Variants in EXOC4 observed in about 807,000 individuals in gnomAD.
EXOC4 encodes SEC8-like 1.
Under a neutral mutation model 107.2 loss-of-function variants are expected in EXOC4, and 71 were observed. That is an observed-to-expected ratio of 0.66 (90% CI 0.55 to 0.81). EXOC4 has a LOEUF of 0.81. EXOC4 is among the 30% of genes least tolerant of loss of function. EXOC4 has a pLI of 0.00. For synonymous variants in EXOC4, 456 were observed against 441.2 expected (o/e 1.03, Z -0.42); for missense variants, 1,108 against 1,189.6 (o/e 0.93, Z 1.01).
chr7:133,482,766 A>T (rs531528363), intron 9 of EXOC4, among the ~76,000 whole-genome samples: 6 of 152,196 alleles, frequency 3.9e-5, no homozygotes, highest in Non-Finnish European at 7.4e-5. Context: ...AAAGTGTCTG[A>T]CATATAGTGA....
intron 7 of EXOC4, among the ~76,000 whole-genome samples, chr7:133,428,814 A>G (rs540669213): frequency 6.6e-6 from 1 of 152,350 alleles, no homozygotes; most frequent in East Asian, 1.9e-4. Context: ...GTATACCAGG[A>G]CTTACTAAAG....
Position 133,940,242 on chromosome 7 carries a change from GT to G in EXOC4, c.2206+2177del, listed in dbSNP as rs373048895. Among the ~76,000 whole-genome samples, 272 of 152,326 alleles carry G rather than the reference GT, an allele frequency of 1.8e-3. 3 individuals are homozygous for G. The highest frequency in any genetic ancestry group is 6.2e-3 in the African/African-American group (258 of 41,574). On this transcript the variant is annotated intron_variant, in intron 14 of 17. Transcript: ENST00000253861. ...TACACAGGCTAACCTGGCATCAACT[GT>G]TTTCAAAAGGAGAAAGATGCATTCT...
At chr7:133,360,248 T>C (rs1436297545) in intron 6 of EXOC4, among the ~76,000 whole-genome samples, 1 of 152,214 alleles carries the variant, frequency 6.6e-6, no homozygotes, top group Non-Finnish European at 1.5e-5. Flanking sequence ...AGGAGTTCTG[T>C]ACTTAACAAA....
chr7:133,345,819 G>A (rs1171617722), intron 5 of EXOC4, among the ~76,000 whole-genome samples: 1 of 152,168 alleles, frequency 6.6e-6, no homozygotes, highest in Admixed American at 6.5e-5. Flanking sequence ...GTAGCAGTTG[G>A]CAACAACTTT....
At chr7:133,548,330 G>A (rs984734702) in intron 9 of EXOC4, among the ~76,000 whole-genome samples, 5 of 152,046 alleles carry the variant, frequency 3.3e-5, no homozygotes, top group Non-Finnish European at 5.9e-5. Flanking sequence ...AATTCTTGGG[G>A]GCCCTAGGAT....
At chr7:133,711,844 T>C (rs1794899095) in intron 10 of EXOC4, among the ~76,000 whole-genome samples, 1 of 152,216 alleles carries the variant, frequency 6.6e-6, no homozygotes, top group African/African-American at 2.4e-5. Flanking sequence ...ACTGTAGTAC[T>C]CACTGTCTTA....
At chr7:134,094,969 C>A in the EXOC4 span, among the ~76,000 whole-genome samples, 4 of 152,062 alleles carry the variant, frequency 2.6e-5, no homozygotes, top group Admixed American at 2.6e-4. Flanking sequence ...AGCAATCAAG[C>A]AAAAGAAAGA....
At chr7:133,439,737 A>G (rs957157193) in intron 7 of EXOC4, among the ~76,000 whole-genome samples, 1 of 152,190 alleles carries the variant, frequency 6.6e-6, no homozygotes, top group South Asian at 2.1e-4. Context: ...ATTAAGAAAC[A>G]TAAAGCCTGT....
chr7:133,883,828 G>GTATA (rs1799019906), intron 11 of EXOC4, among the ~76,000 whole-genome samples: 2 of 152,304 alleles, frequency 1.3e-5, no homozygotes, highest in Admixed American at 6.5e-5. Context: ...GCTCTTGGAT[G>GTATA]TATAGCCTTT....
chr7:133,345,320 G>T (rs1318357439), intron 5 of EXOC4, among the ~76,000 whole-genome samples: 2 of 152,136 alleles, frequency 1.3e-5, no homozygotes, highest in Non-Finnish European at 2.9e-5. Flanking sequence ...CTCTAAAATT[G>T]TATGATGCCA....
chr7:133,807,305 TG>T (rs1797101562), intron 10 of EXOC4, among the ~76,000 whole-genome samples: 1 of 152,142 alleles, frequency 6.6e-6, no homozygotes, highest in South Asian at 2.1e-4. Context: ...AGAGTGTCTG[TG>T]AAAGTCACAT....
intron 10 of EXOC4, among the ~76,000 whole-genome samples, chr7:133,636,576 G>A (rs1251457878): frequency 6.6e-6 from 1 of 152,212 alleles, no homozygotes; most frequent in African/African-American, 2.4e-5. Flanking sequence ...ACAGTTGTTT[G>A]CAGTCTTGTA....
chr7:133,387,622 G>A (rs1284438173), intron 7 of EXOC4, among the ~76,000 whole-genome samples: 1 of 152,076 alleles, frequency 6.6e-6, no homozygotes, highest in Admixed American at 6.6e-5. Context: ...GCCCCCATTT[G>A]TTACTTGTAT....
intron 14 of EXOC4, among the ~76,000 whole-genome samples, chr7:133,979,229 C>G (rs1793914695): frequency 6.6e-6 from 1 of 152,084 alleles, no homozygotes; most frequent in Admixed American, 6.6e-5. Flanking sequence ...GAGGTCAAAA[C>G]TTCATAGGTA....
At chr7:133,503,032 C>T (rs1011228894) in intron 9 of EXOC4, among the ~76,000 whole-genome samples, 3 of 152,104 alleles carry the variant, frequency 2.0e-5, no homozygotes, top group Non-Finnish European at 4.4e-5. Context: ...AAGACTAGTA[C>T]AATCTAAATA....
chr7:133,473,521 G>T (rs1798932350), intron 7 of EXOC4, among the ~76,000 whole-genome samples: 1 of 151,952 alleles, frequency 6.6e-6, no homozygotes, highest in Admixed American at 6.6e-5. Context: ...CTTTATTAAT[G>T]ACCTTTTTTG....
chr7:133,389,264 G>T (rs112249124), intron 7 of EXOC4, among the ~76,000 whole-genome samples: 1 of 151,946 alleles, frequency 6.6e-6, no homozygotes, highest in African/African-American at 2.4e-5. Flanking sequence ...TACCTTTTAG[G>T]CTTAACTATA....
At chr7:133,579,645 C>T (rs1801206565) in intron 9 of EXOC4, among the ~76,000 whole-genome samples, 1 of 151,958 alleles carries the variant, frequency 6.6e-6, no homozygotes. Flanking sequence ...CCCCATTCTC[C>T]CCTTCCTCAA....
At chr7:134,097,390 C>T in the EXOC4 span, among the ~76,000 whole-genome samples, 1 of 151,820 alleles carries the variant, frequency 6.6e-6, no homozygotes, top group Non-Finnish European at 1.5e-5. Context: ...AAAAAAAGTT[C>T]ATGGGTAGCA....
Sources: allele counts gnomAD v4.1 joint callset (sites outside exome capture counted in the v4.1 genomes callset), GRCh38; gene constraint gnomAD v4.1.1; transcripts MANE v1.5; gene names NCBI Gene and HGNC (gene_info 2026-07-23, HGNC 2026-07-21).